Variants in TGM4 observed in about 807,000 individuals in gnomAD.
TGM4 encodes protein-glutamine gamma-glutamyltransferase 4.
Under a neutral mutation model 76.3 loss-of-function variants are expected in TGM4, and 61 were observed. That is an observed-to-expected ratio of 0.80 (90% CI 0.65 to 0.99). The LOEUF (loss-of-function observed/expected upper bound fraction) is 0.99. Among genes scored for constraint, TGM4 ranks in the 50% least tolerant of loss-of-function variants. The pLI is 0.00. For synonymous variants in TGM4, 337 were observed against 329.8 expected, an observed-to-expected ratio of 1.02 and a Z score of -0.24; for missense variants, 794 against 843.2, an observed-to-expected ratio of 0.94 and a Z score of 0.72.
chr3:44,901,974 G>A (rs1699861733), intron 8 of TGM4, 43 bp downstream of exon 8: 2 of 1,592,878 alleles, frequency 1.3e-6, no homozygotes, highest in Non-Finnish European at 1.7e-6. Context: ...CCTTCTCCCA[G>A]GAATTTTCTT....
At chr3:44,907,270 G>C (rs1228856441) in intron 10 of TGM4, 70 bp downstream of exon 10, 3 of 1,556,086 alleles carry the variant, frequency 1.9e-6, no homozygotes, top group Admixed American at 3.5e-5. Context: ...AGTCAAGATT[G>C]GGGGTGGGCC....
chr3:44,913,466 A>T lies in TGM4; in HGVS notation c.1914-118A>T. On this transcript the variant is annotated intron_variant, in intron 13 of 13. Coordinates refer to ENST00000296125, the MANE Select transcript of TGM4 (RefSeq NM_003241.4). ...TGTGCCATGCCCTGGAATGGCCAGGACTTTTCAAAGAGGCTGAGCTAAGGC... is the reference window on the plus strand; with the variant it reads ...TGTGCCATGCCCTGGAATGGCCAGGTCTTTTCAAAGAGGCTGAGCTAAGGC... The T allele has an allele frequency of 3.7e-6, 5 of 1,339,456 alleles. No homozygotes were observed. In the South Asian group the frequency reaches 7.4e-5, roughly 20 times the overall value. The allele number at this position is 1,339,456 out of a possible 1,614,324, so 83.0% of individuals were successfully genotyped here. A position where few individuals can be genotyped will look rare whatever the true frequency, so the allele number is the denominator to read the frequency against.
At position 44,911,353 on chromosome 3, in the gene TGM4, C is replaced by T; in HGVS notation, c.1860C>T (p.Val620=). The change falls in exon 13 of 14, where the codon GTC becomes GTT. Residue 620 remains valine, a synonymous_variant. Transcript: ENST00000296125. ...CCCTGGCCATCCCTTTGACTGACGT[C>T]AAGTTCTCTTTGGAAAGCCTGGGCA... ...KNTLAIPLTD[V]KFSLESLGIS... 6.2e-7 allele frequency: 1 copy of T among 1,614,262 alleles called. No individual in the cohort carries two copies. The highest frequency in any genetic ancestry group is 8.5e-7 in the Non-Finnish European group (1 of 1,180,042).
At chr3:44,889,431 G>A (rs1165397651) in intron 3 of TGM4, among the ~76,000 whole-genome samples, 1 of 151,974 alleles carries the variant, frequency 6.6e-6, no homozygotes, top group Non-Finnish European at 1.5e-5. Flanking sequence ...GGGCCTTCCT[G>A]AAGTCAAAAG....
chr3:44,903,114 T>C (rs1044956770), intron 8 of TGM4, among the ~76,000 whole-genome samples: 2 of 152,234 alleles, frequency 1.3e-5, no homozygotes, highest in Non-Finnish European at 2.9e-5. Context: ...GGTCCACTCA[T>C]AGGCAGATTT....
chr3:44,897,617 A>T (rs989012446), intron 6 of TGM4, among the ~76,000 whole-genome samples: 1 of 152,122 alleles, frequency 6.6e-6, no homozygotes, highest in Non-Finnish European at 1.5e-5. Flanking sequence ...GCAGTTCTCA[A>T]ATATTTTGGT....
At chr3:44,904,350 G>C (rs1276487047) in intron 9 of TGM4, among the ~76,000 whole-genome samples, 8 of 152,228 alleles carry the variant, frequency 5.3e-5, no homozygotes, top group African/African-American at 1.9e-4. Context: ...GGCTCAGGGA[G>C]GTGAAGTGAG....
At chr3:44,879,534 G>A (rs1176182826) in intron 1 of TGM4, among the ~76,000 whole-genome samples, 36 of 148,598 alleles carry the variant, frequency 2.4e-4, no homozygotes, top group African/African-American at 7.7e-4. Context: ...GTGCAGTGGC[G>A]CAATCTCGGC....
In TGM4 at chr3:44,890,650, C is replaced by T. The variant is rs749090345; in HGVS notation, c.348C>T (p.Tyr116=). The T allele has an allele frequency of 6.2e-7, 1 of 1,614,144 alleles. No individual in the cohort carries two copies. The highest frequency in any genetic ancestry group is 8.5e-7 in the Non-Finnish European group (1 of 1,180,024). ...CCCCCAATGCCATCCTGGGCAAGTACCAACTAAACGTGAAAACTGGAAACC... is the reference window on the plus strand; with the variant it reads ...CCCCCAATGCCATCCTGGGCAAGTATCAACTAAACGTGAAAACTGGAAACC... ...TSSPNAILGK[Y]QLNVKTGNHI... Residue 116 remains tyrosine (Y), a synonymous_variant, in exon 4 of 14, where the codon TAC becomes TAT. Coordinates refer to ENST00000296125, the MANE Select transcript of TGM4 (RefSeq NM_003241.4).
In TGM4 at chr3:44,893,691, G is replaced by C. The variant is rs772751558; in HGVS notation, c.545G>C (p.Gly182Ala). 1.2e-6 allele frequency: 2 copies of C among 1,613,590 alleles called. No homozygotes were observed. Among genetic ancestry groups the C allele is most frequent in the South Asian group, 2.2e-5 (2 of 91,082 alleles). The change falls in exon 5 of 14, where the codon GGT (glycine) becomes GCT (alanine). Residue 182 changes from glycine to alanine, a missense_variant. Transcript: ENST00000296125. ...RSIKCKPWNF[G>A]QFEKNVLDCC... ...ATCAAATGCAAACCCTGGAACTTTG[G>C]TCAGGTAATGATTTGTCGTCTTGTG...
chr3:44,897,000 CTTTTTT>C (rs59154155), intron 6 of TGM4, among the ~76,000 whole-genome samples, 184 bp downstream of exon 6: 2 of 104,402 alleles, frequency 1.9e-5, no homozygotes, highest in South Asian at 3.6e-4. Flanking sequence ...GTTTTCTTTT[CTTTTTT>C]TTTTTTTTTT....
intron 1 of TGM4, among the ~76,000 whole-genome samples, chr3:44,877,058 A>G (rs943957876): frequency 2.0e-5 from 3 of 152,176 alleles, no homozygotes; most frequent in Non-Finnish European, 2.9e-5. Flanking sequence ...TAATCCCCAA[A>G]ATTTGGGAGG....
chr3:44,879,261 C>CTATATATATATA (rs1185276628), intron 1 of TGM4, among the ~76,000 whole-genome samples: 4 of 93,338 alleles, frequency 4.3e-5, no homozygotes, highest in South Asian at 3.8e-4. Flanking sequence ...CTCTCTCTCT[C>CTATATATATATA]TCTCTATATA....
Position 44,910,110 on chromosome 3 carries a change from G to A in TGM4, c.1348G>A (p.Val450Ile), listed in dbSNP as rs1371272187. The change falls in exon 11 of 14, where the codon GTC (valine) becomes ATC (isoleucine). Residue 450 changes from valine to isoleucine, a missense_variant. Coordinates refer to ENST00000296125, the MANE Select transcript of TGM4 (RefSeq NM_003241.4). ...TTCAGGCTCCTCTGAGGAGAGGCAG[G>A]TCATGGATCATGCCTTCCTCCTTCT... ...YPEGSSEERQ[V>I]MDHAFLLLSS... 2 of 1,614,024 alleles carry A rather than the reference G, an allele frequency of 1.2e-6. No homozygotes were observed. The highest frequency in any genetic ancestry group is 1.7e-6 in the Non-Finnish European group (2 of 1,180,042).
intron 2 of TGM4, among the ~76,000 whole-genome samples, chr3:44,885,898 A>G (rs1373727117): frequency 6.6e-6 from 1 of 152,212 alleles, no homozygotes; most frequent in South Asian, 2.1e-4. Context: ...TGCAAAGATA[A>G]TAGGAAATGG....
At chr3:44,909,358 G>A (rs1412143848) in intron 10 of TGM4, among the ~76,000 whole-genome samples, 1 of 152,176 alleles carries the variant, frequency 6.6e-6, no homozygotes, top group Non-Finnish European at 1.5e-5. Flanking sequence ...TTCCTTTTAA[G>A]CTTTTTGGTC....
At chr3:44,898,672 G>A (rs1699813190) in intron 6 of TGM4, among the ~76,000 whole-genome samples, 1 of 152,202 alleles carries the variant, frequency 6.6e-6, no homozygotes, top group Non-Finnish European at 1.5e-5. Flanking sequence ...CGGATCTTAA[G>A]TAGGGGCTCT....
At chr3:44,885,615 C>A in intron 2 of TGM4, 117 bp downstream of exon 2, 1 of 1,058,306 alleles carries the variant, frequency 9.4e-7, no homozygotes, top group African/African-American at 1.6e-5. Flanking sequence ...TCCCTGATCC[C>A]CAGTTTCTCC....
intron 3 of TGM4, among the ~76,000 whole-genome samples, chr3:44,889,586 A>T (rs541830502): frequency 6.6e-6 from 1 of 152,304 alleles, no homozygotes; most frequent in African/African-American, 2.4e-5. Flanking sequence ...TAAGCATCTC[A>T]TGGGAGGACC....
Sources: allele counts gnomAD v4.1 joint callset (sites outside exome capture counted in the v4.1 genomes callset), GRCh38; gene constraint gnomAD v4.1.1; transcripts MANE v1.5; gene names NCBI Gene and HGNC (gene_info 2026-07-23, HGNC 2026-07-21).